Variants in CUX1 observed in about 807,000 individuals in gnomAD.
The protein encoded by CUX1 is protein CASP.
In CUX1, 31 loss-of-function variants were observed where a neutral mutation model predicts 158.8. The ratio of observed to expected loss-of-function variants is 0.20; its 90% CI spans 0.15 to 0.26. The LOEUF (loss-of-function observed/expected upper bound fraction) is 0.26, where lower values mean the gene tolerates loss of function less well. Among genes scored for constraint, CUX1 ranks in the 10% least tolerant of loss-of-function variants. The pLI is 1.00. For missense variants in CUX1, 1,589 were observed against 2,014.6 expected, an observed-to-expected ratio of 0.79 and a Z score of 4.04; for synonymous variants, 879 against 862.1, an observed-to-expected ratio of 1.02 and a Z score of -0.34.
Position 102,237,083 on chromosome 7 carries a change from G to A in CUX1, c.3623-2237G>A, listed in dbSNP as rs903337907. On this transcript the variant is annotated intron_variant, in intron 22 of 23. Coordinates refer to ENST00000292535, the MANE Select transcript of CUX1 (RefSeq NM_181552.4). ...GGAGGGAACTGGAGGGAGTCCCCAC[G>A]GTTGGACAATCCAACTCCTTTCTCT... Among the ~76,000 whole-genome samples, 6 of 152,286 alleles carry A rather than the reference G, an allele frequency of 3.9e-5. No homozygotes were observed. In the East Asian group the frequency reaches 5.8e-4, roughly 15 times the overall value.
chr7:102,239,043 C>T (rs1586388952), intron 22 of CUX1, among the ~76,000 whole-genome samples: 2 of 152,274 alleles, frequency 1.3e-5, no homozygotes, highest in South Asian at 2.1e-4. Context: ...CGTACCACCA[C>T]GCCCAGCTGA....
Position 101,893,172 on chromosome 7 carries a change from TTTTTTTTTTTTTTA to T in CUX1, c.31-22942_31-22929del, listed in dbSNP as rs1383308338. Among the ~76,000 whole-genome samples the T allele has an allele frequency of 1.9e-4, 20 of 107,322 alleles. 1 individual carries two copies. In the East Asian group the frequency reaches 6.0e-3, roughly 32 times the overall value. The allele number at this position is 107,322 out of a possible 152,430, so 70.4% of individuals were successfully genotyped here. On this transcript the variant is annotated intron_variant, in intron 1 of 23. Transcript: ENST00000292535. ...TATTTTTATTACTTTTTTTTTTTTTTTTTTTTTTTTTTTAAAATAGAGATGAGGGCTTGCTGTGT... is the reference window on the plus strand; with the variant it reads ...TATTTTTATTACTTTTTTTTTTTTTTAAATAGAGATGAGGGCTTGCTGTGT...
At chr7:102,072,857 G>T (rs149801880) in intron 4 of CUX1, among the ~76,000 whole-genome samples, 19 of 152,286 alleles carry the variant, frequency 1.2e-4, no homozygotes, top group African/African-American at 4.6e-4. Flanking sequence ...CCATACTGAC[G>T]CAGGGATAAA....
Position 102,283,165 on chromosome 7 carries a change from C to T in CUX1, c.*75C>T. The T allele has an allele frequency of 5.6e-6, 7 of 1,244,248 alleles. No individual in the cohort carries two copies. The South Asian group carries it at 8.5e-5, about 15-fold the overall frequency. The allele number at this position is 1,244,248 out of a possible 1,614,324, so 77.1% of individuals were successfully genotyped here. On this transcript the variant is annotated 3_prime_UTR_variant, in exon 23 of 23. Coordinates refer to the CUX1 transcript ENST00000292538. Reference sequence around the variant, plus strand: ...TGCTCAGTGCATCTAATCACTTAGACTCCCCTGAAGAATCCCCCATGGAAA... The same window carrying T: ...TGCTCAGTGCATCTAATCACTTAGATTCCCCTGAAGAATCCCCCATGGAAA...
At chr7:101,927,319 T>A (rs1356499562) in intron 2 of CUX1, among the ~76,000 whole-genome samples, 1 of 152,162 alleles carries the variant, frequency 6.6e-6, no homozygotes, top group Non-Finnish European at 1.5e-5. Context: ...TCAGATTCAG[T>A]CTCTCTGCTT....
chr7:102,282,960 T>G, intron 22 of CUX1: 2 of 1,045,846 alleles, frequency 1.9e-6, no homozygotes, highest in Non-Finnish European at 2.7e-6. Flanking sequence ...CATCACATGG[T>G]ACACACCCCC....
At chr7:101,889,956 C>G (rs1472294120) in intron 1 of CUX1, among the ~76,000 whole-genome samples, 6 of 152,162 alleles carry the variant, frequency 3.9e-5, no homozygotes, top group Admixed American at 3.9e-4. Context: ...AGCTTTTCCA[C>G]CTTCACTACG....
chr7:101,984,050 G>A (rs1813837495), intron 2 of CUX1, among the ~76,000 whole-genome samples: 1 of 128,992 alleles, frequency 7.8e-6, no homozygotes, highest in Non-Finnish European at 1.6e-5. Context: ...TCCAGCCTGG[G>A]TGACAGAGCA....
intron 2 of CUX1, among the ~76,000 whole-genome samples, chr7:101,941,731 TATG>T (rs1190317952): frequency 1.3e-5 from 2 of 152,222 alleles, no homozygotes; most frequent in Non-Finnish European, 2.9e-5. Flanking sequence ...GCGAAGGCTT[TATG>T]ATATTAACTA....
downstream of CUX1, among the ~76,000 whole-genome samples, chr7:102,263,011 CTTT>C (rs58568731): frequency 1.8e-3 from 226 of 127,182 alleles, 1 homozygote; most frequent in South Asian, 2.7e-3. Context: ...AAGGGTTAAA[CTTT>C]TTTTTTTTTT....
At chr7:102,035,114 G>T (rs888447030) in intron 3 of CUX1, among the ~76,000 whole-genome samples, 11 of 147,996 alleles carry the variant, frequency 7.4e-5, no homozygotes, top group African/African-American at 2.5e-4. Flanking sequence ...CCAGGAACAA[G>T]ACAAGAATAC....
At chr7:102,050,041 A>C (rs1257311910) in intron 3 of CUX1, among the ~76,000 whole-genome samples, 2 of 151,868 alleles carry the variant, frequency 1.3e-5, no homozygotes, top group Non-Finnish European at 2.9e-5. Context: ...ATAGGAGCAG[A>C]CTCCCGGGGT....
chr7:102,202,578 A>G (rs1158810435), intron 18 of CUX1, among the ~76,000 whole-genome samples: 4 of 152,150 alleles, frequency 2.6e-5, no homozygotes, highest in Admixed American at 2.6e-4. Context: ...TTTTGCTGCC[A>G]AGGGGAGCTG....
intron 6 of CUX1, among the ~76,000 whole-genome samples, chr7:102,108,600 G>A (rs1563254241): frequency 1.3e-5 from 2 of 152,136 alleles, no homozygotes; most frequent in Non-Finnish European, 2.9e-5. Context: ...ACCTCCTGAT[G>A]TGCTAGGATT....
intron 1 of CUX1, among the ~76,000 whole-genome samples, chr7:101,821,386 C>G (rs145028429): frequency 2.0e-5 from 3 of 151,154 alleles, no homozygotes; most frequent in Non-Finnish European, 4.4e-5. Flanking sequence ...TCGCCCAGGC[C>G]GGAGTGCAGA....
At chr7:102,273,498 G>A (rs1791381496) in intron 15 of CUX1, 3 of 1,608,782 alleles carry the variant, frequency 1.9e-6, no homozygotes, top group Non-Finnish European at 2.5e-6. Flanking sequence ...GCCGAGGTGA[G>A]CCCACCCCCC....
intron 4 of CUX1, among the ~76,000 whole-genome samples, chr7:102,080,749 C>G (rs546748650): frequency 2.6e-5 from 4 of 152,220 alleles, no homozygotes; most frequent in Admixed American, 6.5e-5. Context: ...TGTGTCCTTT[C>G]TTCTCACAGG....
At chr7:102,126,026 A>T (rs905326873) in intron 8 of CUX1, among the ~76,000 whole-genome samples, 51 of 150,602 alleles carry the variant, frequency 3.4e-4, no homozygotes, top group Admixed American at 9.3e-4. Context: ...ATTTTATTTT[A>T]TTTTTGAGAT....
Position 102,196,990 on chromosome 7 carries a change from C to G in CUX1, c.1579C>G (p.Pro527Ala). Residue 527 changes from proline to alanine, a missense_variant, in exon 15 of 24, where the codon CCA (proline) becomes GCA (alanine). Pro to Ala is a conservative substitution (Grantham distance 27). Around this residue, in one of 8 missense-constraint regions of CUX1, gnomAD observed 515 missense variants for 574.4 expected, o/e 0.90. Transcript: ENST00000292535. ...ISSQSPLQQS[P>A]DVNGMAPSPS... ...TTCCCAAAGTCCATTACAACAAAGC[C>G]CAGATGTCAATGGCATGGCCCCATC... is the stretch of plus-strand genomic sequence containing the variant. The G allele has an allele frequency of 6.2e-7, 1 of 1,614,190 alleles. No homozygotes were observed. Among genetic ancestry groups the G allele is most frequent in the Non-Finnish European group, 8.5e-7 (1 of 1,180,034 alleles).
Sources: gnomAD v4.1 joint callset for allele counts (sites outside exome capture counted in the v4.1 genomes callset) on GRCh38, gnomAD v4.1.1 for gene constraint, gnomAD v4.1.1 regional missense constraint, MANE v1.5 for transcripts, NCBI Gene and HGNC (gene_info 2026-07-23, HGNC 2026-07-21) for gene names.